The following ABTB3 variants were observed in gnomAD, a reference collection of about 807,000 sequenced individuals.
ABTB3 encodes ankyrin repeat- and BTB/POZ domain-containing protein 3.
chr12:107,333,022 C>T, the ABTB3 span, among the ~76,000 whole-genome samples: 1 of 152,194 alleles, frequency 6.6e-6, no homozygotes, highest in Non-Finnish European at 1.5e-5. Context: ...CATTTAGTGA[C>T]CTCACATTTC....
chr12:107,443,312 A>G, the ABTB3 span, among the ~76,000 whole-genome samples: 29 of 151,840 alleles, frequency 1.9e-4, no homozygotes, highest in African/African-American at 6.8e-4. Flanking sequence ...TCACGGCTGT[A>G]ATCCCAGCAC....
the ABTB3 span, among the ~76,000 whole-genome samples, chr12:107,551,893 C>G: frequency 6.6e-6 from 1 of 152,202 alleles, no homozygotes; most frequent in East Asian, 1.9e-4. Context: ...GCTGGGATTA[C>G]AGGCATGCAC....
chr12:107,529,841 A>G, the ABTB3 span, among the ~76,000 whole-genome samples: 1 of 152,212 alleles, frequency 6.6e-6, no homozygotes, highest in Non-Finnish European at 1.5e-5. Flanking sequence ...CCGGAACAGG[A>G]CAATGGATGA....
At chr12:107,501,282 A>G in the ABTB3 span, among the ~76,000 whole-genome samples, 6 of 152,200 alleles carry the variant, frequency 3.9e-5, no homozygotes, top group East Asian at 9.6e-4. Flanking sequence ...CCGTAAGACA[A>G]CCTGCTGTGG....
the ABTB3 span, among the ~76,000 whole-genome samples, chr12:107,355,142 G>C: frequency 4.6e-5 from 7 of 152,196 alleles, no homozygotes; most frequent in East Asian, 1.3e-3. Flanking sequence ...TAGTTTGAGA[G>C]ATCTTTCGCA....
chr12:107,461,545 C>T, the ABTB3 span, among the ~76,000 whole-genome samples: 1 of 152,204 alleles, frequency 6.6e-6, no homozygotes, highest in African/African-American at 2.4e-5. Context: ...GGACTTCTGG[C>T]CTCCAAACTA....
At chr12:107,471,729 G>A in the ABTB3 span, among the ~76,000 whole-genome samples, 72 of 152,264 alleles carry the variant, frequency 4.7e-4, no homozygotes, top group African/African-American at 1.5e-3. Context: ...TCCTCTCTAT[G>A]AAACAGGAGG....
the ABTB3 span, among the ~76,000 whole-genome samples, chr12:107,505,377 G>A: frequency 2.8e-3 from 424 of 152,158 alleles, 2 homozygotes; most frequent in Non-Finnish European, 4.4e-3. Context: ...TTCTGACACC[G>A]AGAAAAACTA....
the ABTB3 span, among the ~76,000 whole-genome samples, chr12:107,647,399 G>A: frequency 6.6e-6 from 1 of 152,218 alleles, no homozygotes; most frequent in African/African-American, 2.4e-5. Flanking sequence ...TAGCTACTTG[G>A]GAGGCTGAGG....
the ABTB3 span, among the ~76,000 whole-genome samples, chr12:107,475,605 A>G: frequency 6.6e-6 from 1 of 152,340 alleles, no homozygotes; most frequent in Non-Finnish European, 1.5e-5. Flanking sequence ...GAGCACAGGA[A>G]CTAGCTGTGA....
At chr12:107,653,858 G>A in the ABTB3 span, among the ~76,000 whole-genome samples, 2 of 152,190 alleles carry the variant, frequency 1.3e-5, no homozygotes, top group Admixed American at 1.3e-4. Flanking sequence ...ACATTTGATT[G>A]TTGTGCAAGT....
At chr12:107,648,868 G>A in the ABTB3 span, among the ~76,000 whole-genome samples, 9 of 150,958 alleles carry the variant, frequency 6.0e-5, no homozygotes, top group Admixed American at 3.3e-4. Flanking sequence ...AGAAGACCCC[G>A]TGATTATCAT....
chr12:107,334,703 G>A, the ABTB3 span, among the ~76,000 whole-genome samples: 9 of 152,128 alleles, frequency 5.9e-5, no homozygotes, highest in Non-Finnish European at 1.2e-4. Flanking sequence ...ACCATGAGGT[G>A]GGCAAGGTCA....
At chr12:107,645,882 C>T in the ABTB3 span, among the ~76,000 whole-genome samples, 17 of 152,272 alleles carry the variant, frequency 1.1e-4, no homozygotes, top group East Asian at 3.1e-3. Context: ...TAACAGGACC[C>T]GGGGACTTTT....
the ABTB3 span, among the ~76,000 whole-genome samples, chr12:107,653,882 A>T: frequency 6.6e-6 from 1 of 152,174 alleles, no homozygotes. Context: ...ACTACCGTTC[A>T]TCTATAGAAT....
At chr12:107,512,551 G>A in the ABTB3 span, among the ~76,000 whole-genome samples, 1 of 152,220 alleles carries the variant, frequency 6.6e-6, no homozygotes, top group African/African-American at 2.4e-5. Flanking sequence ...TATACTGCGA[G>A]TTCCAGAAGG....
At chr12:107,319,043 T>C in the ABTB3 span, 1 of 1,613,708 alleles carries the variant, frequency 6.2e-7, no homozygotes, top group Non-Finnish European at 8.5e-7. Context: ...CTCCAACTTG[T>C]CTTTGTGCTG....
chr12:107,352,263 G>A, the ABTB3 span, among the ~76,000 whole-genome samples: 7 of 152,148 alleles, frequency 4.6e-5, no homozygotes, highest in African/African-American at 1.7e-4. Context: ...AGAGCCAAAT[G>A]ATGTTCAGGA....
At chr12:107,321,603 C>CCACACACACACA in the ABTB3 span, among the ~76,000 whole-genome samples, 1 of 85,434 alleles carries the variant, frequency 1.2e-5, no homozygotes, top group African/African-American at 4.5e-5. Context: ...ATCTTCGAGG[C>CCACACACACACA]CACACACACA....
Sources: gnomAD v4.1 joint callset for allele counts (sites outside exome capture counted in the v4.1 genomes callset) on GRCh38, gnomAD v4.1.1 for gene constraint, MANE v1.5 for transcripts, NCBI Gene and HGNC (gene_info 2026-07-23, HGNC 2026-07-21) for gene names.